The following TBCD variants were observed in gnomAD, a reference collection of about 807,000 sequenced individuals.
The protein encoded by TBCD is tubulin-specific chaperone D.
In TBCD, 105 loss-of-function variants were observed where a neutral mutation model predicts 169.3. The observed-to-expected ratio is 0.62, with a 90% CI of 0.53 to 0.73. The LOEUF is 0.73. Ranked by LOEUF, TBCD falls within the 30% of genes least tolerant of loss-of-function variation. The pLI is 0.00. For synonymous variants in TBCD, 700 were observed against 643.9 expected (o/e 1.09, Z -1.32); for missense variants, 1,444 against 1,600.1 (o/e 0.90, Z 1.66).
intron 13 of TBCD, among the ~76,000 whole-genome samples, chr17:82,837,511 T>C (rs762058333): frequency 5.0e-4 from 76 of 152,214 alleles, no homozygotes; most frequent in Non-Finnish European, 9.3e-4. Flanking sequence ...GAGGTGTGTT[T>C]CCATTTTAGT....
intron 14 of TBCD, chr17:82,876,851 G>A: frequency 4.7e-6 from 2 of 424,740 alleles, no homozygotes; most frequent in Non-Finnish European, 3.1e-6. Context: ...TGTGGTCTGT[G>A]TCCAAATTGC....
chr17:82,773,913 T>C (rs1270505060), intron 6 of TBCD, among the ~76,000 whole-genome samples: 1 of 151,840 alleles, frequency 6.6e-6, no homozygotes, highest in Non-Finnish European at 1.5e-5. Context: ...GTATTTTCAG[T>C]AGAGATGGGG....
intron 5 of TBCD, among the ~76,000 whole-genome samples, chr17:82,768,954 A>G (rs1260675610): frequency 6.6e-6 from 1 of 152,252 alleles, no homozygotes; most frequent in Non-Finnish European, 1.5e-5. Flanking sequence ...ATTTAAATTT[A>G]TGAAATTCTA....
chr17:82,764,569 TGA>T (rs1239575403), intron 3 of TBCD, among the ~76,000 whole-genome samples: 1 of 152,166 alleles, frequency 6.6e-6, no homozygotes, highest in Non-Finnish European at 1.5e-5. Flanking sequence ...GGCTTGAACC[TGA>T]GAGGCAGAGG....
intron 28 of TBCD, 157 bp from the exon 29 acceptor site, chr17:82,927,029 T>C: frequency 9.8e-7 from 1 of 1,021,644 alleles, no homozygotes; most frequent in Non-Finnish European, 1.4e-6. Flanking sequence ...CCACGTTCCA[T>C]ACATGTGGAA....
At chr17:82,892,697 G>A (rs1211765573) in intron 16 of TBCD, among the ~76,000 whole-genome samples, 4 of 152,238 alleles carry the variant, frequency 2.6e-5, no homozygotes, top group Middle Eastern at 3.2e-3. Flanking sequence ...CCCGGCCTCG[G>A]AGGTGGGCAG....
rs2061478583 is a variant in TBCD at position 82,922,473 on chromosome 17, ACTTCCTCCATG to A, written c.2178+900_2178+910del. On this transcript the variant is annotated intron_variant, in intron 25 of 38. Transcript: ENST00000355528. The surrounding 1 kb of genome is among the most constrained non-coding windows in gnomAD (Gnocchi z 4.1). ...CATTTAGGTGTCTTGTAATTCTCTG[ACTTCCTCCATG>A]CTTAGCATTTCTTTTTCCTTAGCAT... is the stretch of plus-strand genomic sequence containing the variant. Among the ~76,000 whole-genome samples the A allele has an allele frequency of 6.6e-6, 1 of 152,142 alleles. No homozygotes were observed. Among genetic ancestry groups the A allele is most frequent in the African/African-American group, 2.4e-5 (1 of 41,416 alleles).
chr17:82,809,571 G>A (rs992843627), intron 11 of TBCD, 137 bp from the exon 12 acceptor site: 4 of 857,052 alleles, frequency 4.7e-6, no homozygotes, highest in Middle Eastern at 3.4e-4. Flanking sequence ...AGCAGGGTGC[G>A]GGCTTGCCTG....
At chr17:82,754,001 C>A (rs763173115) in intron 1 of TBCD, among the ~76,000 whole-genome samples, 1 of 151,546 alleles carries the variant, frequency 6.6e-6, no homozygotes, top group Admixed American at 6.6e-5. Context: ...CTCAGCCTCC[C>A]GAGTAGCTGG....
At chr17:82,914,927 G>A (rs933529788) in intron 23 of TBCD, among the ~76,000 whole-genome samples, 2 of 152,196 alleles carry the variant, frequency 1.3e-5, no homozygotes, top group East Asian at 3.8e-4. Context: ...TCTTGGCCCC[G>A]CATCTCCCAG....
Position 82,927,263 on chromosome 17 carries a change from G to C in TBCD, c.2549G>C (p.Cys850Ser). Residue 850 changes from cysteine to serine, a missense_variant, in exon 29 of 39, where the codon TGT becomes TCT. Physicochemically the swap from Cys to Ser is moderately radical, Grantham distance 112 (BLOSUM62 -1). Transcript: ENST00000355528. ...VCGENVSQIY[C>S]ALLGCMDDYT... is the part of the protein sequence containing the mutation. ...GGAGAGAATGTTTCCCAGATTTACT[G>C]TGCGCTGCTGGGCTGCATGGACGAC... The C allele has an allele frequency of 6.2e-7, 1 of 1,614,016 alleles. No homozygotes were observed. Among genetic ancestry groups the C allele is most frequent in the Middle Eastern group, 1.6e-4 (1 of 6,062 alleles).
At chr17:82,899,246 G>A (rs1047379554) in intron 17 of TBCD, among the ~76,000 whole-genome samples, 5 of 144,762 alleles carry the variant, frequency 3.5e-5, no homozygotes, top group African/African-American at 5.2e-5. Flanking sequence ...TGTCCTCAGC[G>A]CACGTGTCCT....
chr17:82,841,985 G>A (rs1461613172), intron 13 of TBCD, among the ~76,000 whole-genome samples: 1 of 152,246 alleles, frequency 6.6e-6, no homozygotes, highest in Non-Finnish European at 1.5e-5. Flanking sequence ...CAAGGCGGAA[G>A]GTTCCAGTCC....
intron 14 of TBCD, among the ~76,000 whole-genome samples, chr17:82,882,997 G>C (rs2058472245): frequency 6.6e-6 from 1 of 152,096 alleles, no homozygotes; most frequent in African/African-American, 2.4e-5. Context: ...CTGGAGCGGA[G>C]CTTGCTCTCT....
chr17:82,798,483 T>C (rs1484698798), intron 8 of TBCD, among the ~76,000 whole-genome samples: 1 of 152,156 alleles, frequency 6.6e-6, no homozygotes, highest in Non-Finnish European at 1.5e-5. Context: ...GGTTTCACCA[T>C]GTTGGCCAGG....
In TBCD at chr17:82,924,993, G is replaced by C. The variant is rs1405494641; in HGVS notation, c.2315G>C (p.Arg772Pro). 1 of 1,575,636 alleles carries C rather than the reference G, an allele frequency of 6.3e-7. No individual in the cohort carries two copies. The highest frequency in any genetic ancestry group is 8.6e-7 in the Non-Finnish European group (1 of 1,159,466). ...AELRNPEEMT[R>P]CGFSLALGAL... is the part of the protein sequence containing the mutation. ...CTTCGGAACCCCGAGGAGATGACTC[G>C]CTGTGGCTTCTCGTTGGCCTTGGGC... The change falls in exon 27 of 39, where the codon CGC becomes CCC. Residue 772 changes from arginine (R) to proline (P), a missense_variant. Physicochemically the swap from Arg to Pro is moderately radical, Grantham distance 103 (BLOSUM62 -2). Coordinates refer to ENST00000355528, the MANE Select transcript of TBCD (RefSeq NM_005993.5).
intron 34 of TBCD, among the ~76,000 whole-genome samples, chr17:82,937,002 G>A (rs3785517): frequency 0.41 from 61,990 of 152,056 alleles, 12,934 homozygotes; most frequent in South Asian, 0.58. Context: ...AAGGGAGGTG[G>A]GGCCCCGTGG....
rs528097351 is a variant in TBCD at position 82,863,263 on chromosome 17, G to A, written c.1319-6961G>A. The stretch of plus-strand genomic sequence containing the variant: ...GCTGGGTGGCAGATGCCCCCAGGAG[G>A]AGGAGAAGCATTTCTTCCCAGGGCT... On this transcript the variant is annotated intron_variant, in intron 13 of 38. Transcript: ENST00000355528. 1.9e-3 allele frequency among the ~76,000 whole-genome samples: 291 copies of A among 152,262 alleles called. 3 individuals carry two copies. The highest frequency in any genetic ancestry group is 6.9e-3 in the African/African-American group (285 of 41,562).
Position 82,939,457 on chromosome 17 carries a change from G to A in TBCD, c.3460G>A (p.Val1154Met), listed in dbSNP as rs776572359. Residue 1154 changes from valine to methionine, a missense_variant, in exon 37 of 39, where the codon GTG (valine) becomes ATG (methionine). Val to Met is a conservative substitution (Grantham distance 21). Transcript: ENST00000355528. ...GADVLDEVVTVLSDTAWDAEL... is the reference protein window; with the variant it reads ...GADVLDEVVTMLSDTAWDAEL... ...GGATGTGCTGGACGAGGTGGTGACT[G>A]TGCTCAGTGACACTGCGTGGTGAGT... 1 of 1,613,462 alleles carries A rather than the reference G, an allele frequency of 6.2e-7. No homozygotes were observed. The highest frequency in any genetic ancestry group is 8.5e-7 in the Non-Finnish European group (1 of 1,179,774).
Sources: gnomAD v4.1 joint callset for allele counts (sites outside exome capture counted in the v4.1 genomes callset) on GRCh38, gnomAD v4.1.1 for gene constraint, Gnocchi (gnomAD v3.1) non-coding constraint, MANE v1.5 for transcripts, NCBI Gene and HGNC (gene_info 2026-07-23, HGNC 2026-07-21) for gene names.